The following FBXW10 variants were observed in gnomAD, a reference collection of about 807,000 sequenced individuals.
The protein encoded by FBXW10 is F-box and WD repeat domain containing 10, also known as F-box/WD repeat-containing protein 10.
FBXW10 carries 68 observed loss-of-function variants against 113.1 expected under a neutral mutation model. The ratio of observed to expected loss-of-function variants is 0.60; its 90% CI spans 0.49 to 0.74. The LOEUF (loss-of-function observed/expected upper bound fraction) is 0.74. Among genes scored for constraint, FBXW10 ranks in the 30% least tolerant of loss-of-function variants. FBXW10 has a pLI of 0.00. For synonymous variants in FBXW10, 289 were observed against 481.6 expected (o/e 0.60, Z 5.24); for missense variants, 753 against 1,284.5 (o/e 0.59, Z 6.32).
chr17:18,752,145 G>A (rs1046500618), intron 5 of FBXW10, among the ~76,000 whole-genome samples: 5 of 152,156 alleles, frequency 3.3e-5, no homozygotes, highest in African/African-American at 9.7e-5. Flanking sequence ...TGACCTGTAG[G>A]GGCCAGGCAG....
chr17:18,768,109 G>T (rs559849336), intron 9 of FBXW10, among the ~76,000 whole-genome samples: 1 of 104,016 alleles, frequency 9.6e-6, no homozygotes, highest in Non-Finnish European at 2.3e-5. Context: ...TCTGTCACCA[G>T]GCTGGAGCAC....
Position 18,772,635 on chromosome 17 carries a change from A to C in FBXW10, c.2230A>C (p.Lys744Gln). Residue 744 changes from lysine (K) to glutamine (Q), a missense_variant, in exon 12 of 14, where the codon AAA (lysine) becomes CAA (glutamine). By Grantham distance (53) the Lys-to-Gln change is moderately conservative. Transcript: ENST00000395665. ...TGTGATCCAAGAGCTCCTACCAGGC[A>C]AACCTCCCAAGTCCCGAGTACTCCT... ...QTVIQELLPG[K>Q]PPKSRVLLKP... 1 of 1,614,154 alleles carries C rather than the reference A, an allele frequency of 6.2e-7. No individual in the cohort carries two copies. The highest frequency in any genetic ancestry group is 2.2e-5 in the East Asian group (1 of 44,882).
In FBXW10 at chr17:18,768,648, C is replaced by A. The variant is rs79757327; in HGVS notation, c.1819C>A (p.Arg607Ser). 6.2e-7 allele frequency: 1 copy of A among 1,613,704 alleles called. No homozygotes were observed. The highest frequency in any genetic ancestry group is 2.2e-5 in the East Asian group (1 of 44,870). ...CTGGAGCATGGTGGGGAAGTACGAG[C>A]GCTGCCTGATGGCCTTCAAGCATCC... The part of the protein sequence containing the change: ...MAWSMVGKYE[R>S]CLMAFKHPKE... The change falls in exon 10 of 14, where the codon CGC (arginine) becomes AGC (serine). Residue 607 changes from arginine to serine, a missense_variant. By Grantham distance (110) the Arg-to-Ser change is moderately radical. Coordinates refer to ENST00000395665, the MANE Select transcript of FBXW10 (RefSeq NM_001267585.2).
intron 9 of FBXW10, among the ~76,000 whole-genome samples, chr17:18,768,026 T>TTTCTTCCTTCCTTCCTTCCTTC (rs2035532886): frequency 7.4e-6 from 1 of 135,680 alleles, no homozygotes; most frequent in Non-Finnish European, 1.6e-5. Context: ...TTCCTTCCTT[T>TTTCTTCCTTCCTTCCTTCCTTC]CTTCCTTCCT....
At position 18,766,816 on chromosome 17, in the gene FBXW10, G is replaced by T; in HGVS notation, c.1658G>T (p.Arg553Leu). 1.2e-6 allele frequency: 2 copies of T among 1,611,922 alleles called. No individual in the cohort carries two copies. Among genetic ancestry groups the T allele is most frequent in the Non-Finnish European group, 1.7e-6 (2 of 1,178,234 alleles). ...NDTYIVSSCE[R>L]GLVKVWHIAM... is the part of the protein sequence containing the mutation. Reference sequence around the variant, plus strand: ...ACCTACATTGTGAGCAGCTGTGAGCGAGGGCTGGTGAAAGTGTGGCACATT... The same window carrying T: ...ACCTACATTGTGAGCAGCTGTGAGCTAGGGCTGGTGAAAGTGTGGCACATT... The change falls in exon 9 of 14, where the codon CGA (arginine) becomes CTA (leucine). Residue 553 changes from arginine to leucine, a missense_variant. Arg to Leu is a moderately radical substitution (Grantham distance 102). Coordinates refer to ENST00000395665, the MANE Select transcript of FBXW10 (RefSeq NM_001267585.2).
chr17:18,762,488 TG>T (rs1253071894), intron 7 of FBXW10, among the ~76,000 whole-genome samples: 20 of 151,550 alleles, frequency 1.3e-4, no homozygotes, highest in Non-Finnish European at 1.8e-4. Context: ...CGGCGGCTAA[TG>T]TTTTTTTGTA....
intron 7 of FBXW10, among the ~76,000 whole-genome samples, chr17:18,763,743 A>G (rs1190155878): frequency 6.5e-4 from 98 of 151,334 alleles, no homozygotes; most frequent in African/African-American, 2.3e-3. Context: ...CTCTATATGT[A>G]CATAAATATT....
intron 13 of FBXW10, among the ~76,000 whole-genome samples, chr17:18,778,146 G>A (rs1191054415): frequency 6.6e-6 from 1 of 152,084 alleles, no homozygotes; most frequent in African/African-American, 2.4e-5. Context: ...TCAGCTACTT[G>A]GGAGGCTGAG....
Position 18,778,862 on chromosome 17 carries a change from T to C in FBXW10, c.2723T>C (p.Ile908Thr), listed in dbSNP as rs142904621. 2,889 of 1,613,956 alleles carry C rather than the reference T, an allele frequency of 1.8e-3. 8 individuals are homozygous for C. The highest frequency in any genetic ancestry group is 1.7e-3 in the Non-Finnish European group (1,982 of 1,179,876). Residue 908 changes from isoleucine (I) to threonine (T), a missense_variant, in exon 14 of 14, where the codon ATA becomes ACA. Physicochemically the swap from Ile to Thr is moderately conservative, Grantham distance 89. Transcript: ENST00000395665. ...SLHSPRVQST[I>T]PQPMIIRSRF... Reference sequence around the variant, plus strand: ...CACAGTCCTAGAGTCCAGTCCACCATACCCCAGCCCATGATTATCCGCTCC... The same window carrying C: ...CACAGTCCTAGAGTCCAGTCCACCACACCCCAGCCCATGATTATCCGCTCC...
chr17:18,773,960 C>T (rs1050875368), intron 12 of FBXW10, among the ~76,000 whole-genome samples: 4 of 152,154 alleles, frequency 2.6e-5, no homozygotes, highest in African/African-American at 9.7e-5. Context: ...AACAGAGGTG[C>T]TGAACAGAAT....
chr17:18,771,191 T>G (rs796970573), intron 11 of FBXW10, among the ~76,000 whole-genome samples: 10 of 152,128 alleles, frequency 6.6e-5, no homozygotes, highest in East Asian at 1.9e-4. Context: ...TGAGTGAACG[T>G]AAGTCTAAAA....
chr17:18,768,221 C>A (rs1451852027), intron 9 of FBXW10, among the ~76,000 whole-genome samples: 3 of 152,070 alleles, frequency 2.0e-5, no homozygotes, highest in Non-Finnish European at 2.9e-5. Flanking sequence ...GTGTGTGCCA[C>A]CATGCCCAGC....
rs994744668 is a variant in FBXW10, at chr17:18,763,196, G to A, written c.1434-1546G>A. On this transcript the variant is annotated intron_variant, in intron 7 of 13. Transcript: ENST00000395665. The stretch of plus-strand genomic sequence containing the variant: ...TTTTGAGACAGAGTCTCACTCTGTC[G>A]CCCAGGCTGGAGTGCAGTGGCGCCA... Among the ~76,000 whole-genome samples, 9 of 148,852 alleles carry A rather than the reference G, an allele frequency of 6.0e-5. No individual in the cohort carries two copies. The South Asian group carries it at 6.4e-4, about 11-fold the overall frequency.
intron 11 of FBXW10, 129 bp downstream of exon 11, chr17:18,770,214 T>G (rs2035586345): frequency 7.1e-7 from 1 of 1,413,688 alleles, no homozygotes; most frequent in African/African-American, 1.4e-5. Flanking sequence ...TCTCTACAAT[T>G]CTGGCTGGGT....
intron 11 of FBXW10, 49 bp from the exon 12 acceptor site, chr17:18,772,363 G>T (rs1241718950): frequency 1.3e-6 from 2 of 1,568,794 alleles, no homozygotes; most frequent in South Asian, 1.2e-5. Flanking sequence ...TGCATCTTTC[G>T]GTGGCCTCCA....
chr17:18,755,550 G>A (rs78926552), intron 5 of FBXW10, among the ~76,000 whole-genome samples: 1 of 59,240 alleles, frequency 1.7e-5, no homozygotes, highest in Non-Finnish European at 3.9e-5. Flanking sequence ...GCGAGACTCC[G>A]TCTGAAAAAA....
chr17:18,768,506 T>A (rs780342106), intron 9 of FBXW10, 28 bp from the exon 10 acceptor site: 1 of 1,613,132 alleles, frequency 6.2e-7, no homozygotes, highest in East Asian at 2.2e-5. Flanking sequence ...ACAGTCTGAG[T>A]TGAAGACAGT....
chr17:18,778,761 TC>T lies in FBXW10; in HGVS notation c.2624del (p.Pro875LeufsTer3). 3 of 1,613,654 alleles carry T rather than the reference TC, an allele frequency of 1.9e-6. No individual in the cohort carries two copies. Among genetic ancestry groups the T allele is most frequent in the Non-Finnish European group, 2.5e-6 (3 of 1,179,752 alleles). On this transcript the variant is annotated frameshift_variant, in exon 14 of 14. Transcript: ENST00000395665. LOFTEE classifies it high-confidence loss of function. ...CAGTTGATCGGTTGAGATTGAGCAA[TC>T]CTCCTATAGATGTGAAACGAACCAG... is the stretch of plus-strand genomic sequence containing the variant. ...RAVDRLRLSN[P>X]PIDVKRTSIP...
intron 1 of FBXW10, 44 bp from the exon 2 acceptor site, chr17:18,747,897 C>T (rs2035069011): frequency 1.9e-6 from 3 of 1,613,748 alleles, no homozygotes; most frequent in East Asian, 4.5e-5. Context: ...TTCCTCAACA[C>T]ACCCGCTTCA....
Sources: allele counts gnomAD v4.1 joint callset (sites outside exome capture counted in the v4.1 genomes callset), GRCh38; gene constraint gnomAD v4.1.1; transcripts MANE v1.5; gene names NCBI Gene and HGNC (gene_info 2026-07-23, HGNC 2026-07-21).